The following KALRN variants were observed in gnomAD, a reference collection of about 807,000 sequenced individuals.
KALRN encodes kalirin.
Under a neutral mutation model 353.7 loss-of-function variants are expected in KALRN, and 70 were observed. The observed-to-expected ratio is 0.20, with a 90% CI of 0.16 to 0.24. KALRN has a LOEUF of 0.24. Ranked by LOEUF, KALRN falls within the 10% of genes least tolerant of loss-of-function variation. KALRN has a pLI of 1.00. For missense variants in KALRN, 2,791 were observed against 3,756.7 expected (o/e 0.74, Z 6.72); for synonymous variants, 1,391 against 1,434.8 (o/e 0.97, Z 0.69).
At chr3:124,282,906 G>A (rs1393301218) in intron 5 of KALRN, among the ~76,000 whole-genome samples, 3 of 152,200 alleles carry the variant, frequency 2.0e-5, no homozygotes, top group Non-Finnish European at 4.4e-5. Flanking sequence ...CCATTGCAGA[G>A]GCTGCTGCTG....
intron 1 of KALRN, among the ~76,000 whole-genome samples, chr3:124,100,758 T>C (rs1279727957): frequency 2.0e-5 from 3 of 152,220 alleles, no homozygotes; most frequent in East Asian, 1.9e-4. Flanking sequence ...TCTCAATGTA[T>C]GCTAGAATCA....
chr3:124,630,243 A>G (rs768261604), intron 34 of KALRN, among the ~76,000 whole-genome samples: 11 of 152,172 alleles, frequency 7.2e-5, no homozygotes, highest in Non-Finnish European at 1.6e-4. Flanking sequence ...CATCTGCCAC[A>G]TGCCTGTTCT....
At chr3:124,112,404 G>T (rs2063073396) in intron 1 of KALRN, among the ~76,000 whole-genome samples, 1 of 151,654 alleles carries the variant, frequency 6.6e-6, no homozygotes, top group South Asian at 2.1e-4. Context: ...ACCTGCCTTT[G>T]TTACCTGGGA....
At chr3:124,324,635 G>C (rs1448176581) in intron 6 of KALRN, among the ~76,000 whole-genome samples, 1 of 152,182 alleles carries the variant, frequency 6.6e-6, no homozygotes, top group African/African-American at 2.4e-5. Flanking sequence ...TTGTGTGGAA[G>C]TTCTTCACTT....
chr3:124,152,951 CT>C (rs2149918700), intron 1 of KALRN: 1 of 195,832 alleles, frequency 5.1e-6, no homozygotes, highest in Non-Finnish European at 1.0e-5. Context: ...TCCTCCTTGC[CT>C]TTTGAAGCAC....
chr3:124,081,117 G>A (rs775758050), intron 1 of KALRN, among the ~76,000 whole-genome samples: 4 of 152,174 alleles, frequency 2.6e-5, no homozygotes, highest in Non-Finnish European at 4.4e-5. Context: ...AAAAGGCTTA[G>A]CAGAAATCCA....
intron 36 of KALRN, among the ~76,000 whole-genome samples, chr3:124,635,816 A>G (rs1017717953): frequency 6.6e-6 from 1 of 152,092 alleles, no homozygotes; most frequent in South Asian, 2.1e-4. Flanking sequence ...TCCTAGCTGT[A>G]ATTTTAATAG....
intron 37 of KALRN, 65 bp from the exon 38 acceptor site, chr3:124,650,743 G>T (rs968837430): frequency 2.3e-4 from 351 of 1,512,376 alleles, no homozygotes; most frequent in Non-Finnish European, 2.9e-4. Context: ...AGGCTGGGAG[G>T]ACACAGGGAT....
rs770629066 is a variant in KALRN, at chr3:124,227,960, C to T, written c.74-30C>T. 9 of 1,594,910 alleles carry T rather than the reference C, an allele frequency of 5.6e-6. No individual in the cohort carries two copies. The East Asian group carries it at 1.8e-4, about 32-fold the overall frequency. On this transcript the variant is annotated intron_variant, in intron 1 of 59. Coordinates refer to ENST00000682506, the MANE Select transcript of KALRN (RefSeq NM_001388419.1). ...GATTCAGCCAGCTGGCTCCTCTCACCCTGATTCCTTCTGGTTTGTTGTCCC... is the reference window on the plus strand; with the variant it reads ...GATTCAGCCAGCTGGCTCCTCTCACTCTGATTCCTTCTGGTTTGTTGTCCC...
chr3:124,137,864 A>C (rs1560050835), intron 1 of KALRN, among the ~76,000 whole-genome samples: 1 of 152,118 alleles, frequency 6.6e-6, no homozygotes, highest in Non-Finnish European at 1.5e-5. Context: ...GTGTCCTCTG[A>C]GGGCAGGGGT....
intron 34 of KALRN, among the ~76,000 whole-genome samples, chr3:124,599,873 G>A (rs2076630946): frequency 6.6e-6 from 1 of 152,112 alleles, no homozygotes; most frequent in African/African-American, 2.4e-5. Flanking sequence ...CCACCAACTA[G>A]TGCTTCCATT....
chr3:124,430,906 G>T (rs571324294), intron 16 of KALRN, 131 bp downstream of exon 16: 152 of 1,149,266 alleles, frequency 1.3e-4, no homozygotes, highest in Middle Eastern at 2.9e-4. Flanking sequence ...ATGGTCCAGG[G>T]AGCCTTCCTC....
At chr3:124,241,893 C>A (rs1449927405) in intron 3 of KALRN, among the ~76,000 whole-genome samples, 1 of 152,138 alleles carries the variant, frequency 6.6e-6, no homozygotes, top group East Asian at 1.9e-4. Context: ...ATGGGCCAGT[C>A]AGAGGGAAGG....
chr3:124,564,248 G>T (rs950798323), intron 34 of KALRN, among the ~76,000 whole-genome samples: 2 of 150,830 alleles, frequency 1.3e-5, no homozygotes, highest in African/African-American at 4.9e-5. Flanking sequence ...GGGCAAGGTG[G>T]TGTTCACTTG....
Position 124,103,726 on chromosome 3 carries a change from T to G in KALRN, c.73+69913T>G, listed in dbSNP as rs564044299. Among the ~76,000 whole-genome samples the G allele has an allele frequency of 3.9e-5, 6 of 152,014 alleles. No individual in the cohort carries two copies. The South Asian group carries it at 1.0e-3, about 26-fold the overall frequency. On this transcript the variant is annotated intron_variant, in intron 1 of 59. Coordinates refer to ENST00000682506, the MANE Select transcript of KALRN (RefSeq NM_001388419.1). ...ATCCTAGCACTTTGGGAGGCCGAGG[T>G]GGACAGATTGCCTGAGCTCAGGAGT... is the stretch of plus-strand genomic sequence containing the variant.
At chr3:124,495,129 G>A (rs953923959) in intron 32 of KALRN, among the ~76,000 whole-genome samples, 1 of 152,200 alleles carries the variant, frequency 6.6e-6, no homozygotes, top group Non-Finnish European at 1.5e-5. Context: ...CGGGGCCCAG[G>A]AAGGGGTCTA....
At chr3:124,078,541 A>C (rs1296755510) in intron 1 of KALRN, among the ~76,000 whole-genome samples, 1 of 152,076 alleles carries the variant, frequency 6.6e-6, no homozygotes, top group Non-Finnish European at 1.5e-5. Context: ...GGGCAGGTAC[A>C]GGGCTGTGGC....
At chr3:124,187,119 C>T (rs1387649203) in intron 1 of KALRN, among the ~76,000 whole-genome samples, 1 of 152,172 alleles carries the variant, frequency 6.6e-6, no homozygotes, top group East Asian at 1.9e-4. Flanking sequence ...CTCACTCTGT[C>T]GCCCAGGCTG....
chr3:124,113,361 T>G (rs1302246977), intron 1 of KALRN, among the ~76,000 whole-genome samples: 1 of 152,174 alleles, frequency 6.6e-6, no homozygotes, highest in Admixed American at 6.5e-5. Flanking sequence ...AACTTTTGGA[T>G]GAGAAGGGGA....
Sources: allele counts gnomAD v4.1 joint callset (sites outside exome capture counted in the v4.1 genomes callset), GRCh38; gene constraint gnomAD v4.1.1; transcripts MANE v1.5; gene names NCBI Gene and HGNC (gene_info 2026-07-23, HGNC 2026-07-21).